Variants in ZNF8 observed in about 807,000 individuals in gnomAD.
The protein encoded by ZNF8 is zinc finger protein 272.
ZNF8 carries 9 observed loss-of-function variants against 12.2 expected under a neutral mutation model. That is an observed-to-expected ratio of 0.73 (90% confidence interval 0.44 to 1.28). ZNF8 has a LOEUF of 1.28. Ranked by LOEUF, ZNF8 falls within the 50% of genes most tolerant of loss-of-function variation. ZNF8 has a pLI of 0.00. For missense variants in ZNF8, 664 were observed against 729.1 expected, an observed-to-expected ratio of 0.91 and a Z score of 1.03; for synonymous variants, 274 against 282.3, an observed-to-expected ratio of 0.97 and a Z score of 0.30.
In ZNF8 at chr19:58,301,305, T is replaced by TA. The variant is rs2051490465; in HGVS notation, c.*5770dup. The TA allele has an allele frequency of 6.6e-6, 1 of 152,218 alleles. No homozygotes were observed. Among genetic ancestry groups the TA allele is most frequent in the South Asian group, 2.1e-4 (1 of 4,828 alleles). The allele number at this position is 152,218 out of a possible 1,614,324, so 9.4% of individuals were successfully genotyped here. A position where few individuals can be genotyped will look rare whatever the true frequency, so the allele number is the denominator to read the frequency against. On this transcript the variant is annotated 3_prime_UTR_variant, in exon 4 of 4. Coordinates refer to ENST00000621650, the MANE Select transcript of ZNF8 (RefSeq NM_021089.3). Reference sequence around the variant, plus strand: ...TCTCCCCTTCCCCACTCCATGGAGTTAGAGGTCCTGTTGATTTTGCCATGT... The same window carrying TA: ...TCTCCCCTTCCCCACTCCATGGAGTTAAGAGGTCCTGTTGATTTTGCCATGT...
chr19:58,294,352 T>C lies in ZNF8; in HGVS notation c.544T>C (p.Cys182Arg), dbSNP rs753987154. Residue 182 changes from cysteine (C) to arginine (R), a missense_variant, in exon 4 of 4, where the codon TGC (cysteine) becomes CGC (arginine). Physicochemically the swap from Cys to Arg is radical, Grantham distance 180. This residue lies in a region of ZNF8 where 306 missense variants were observed against 308.7 expected (regional missense o/e 0.99). Transcript: ENST00000621650. This position sits in a 1 kb window ranked among gnomAD's most constrained non-coding sequence, Gnocchi z 5.5. Reference protein sequence around the residue: ...GYKTLRLRENCVLSSSPNPFP... With the variant: ...GYKTLRLRENRVLSSSPNPFP... Reference sequence around the variant, plus strand: ...CAAAACTCTCAGACTCAGGGAAAACTGCGTCCTGAGTTCAAGCCCAAATCC... The same window carrying C: ...CAAAACTCTCAGACTCAGGGAAAACCGCGTCCTGAGTTCAAGCCCAAATCC... The C allele has an allele frequency of 5.0e-6, 8 of 1,614,034 alleles. No homozygotes were observed. The East Asian group carries it at 8.9e-5, about 18-fold the overall frequency.
intron 1 of ZNF8, among the ~76,000 whole-genome samples, chr19:58,282,163 G>GTTTTA (rs1358288857): frequency 6.6e-6 from 1 of 152,070 alleles, no homozygotes; most frequent in Non-Finnish European, 1.5e-5. Context: ...GTTTTGTTTT[G>GTTTTA]TTTTTTAACC....
Position 58,294,747 on chromosome 19 carries a change from C to A in ZNF8, c.939C>A (p.Tyr313Ter). The change falls in exon 4 of 4, where the codon TAC becomes TAA. Residue 313 changes from tyrosine (Y) to a stop codon, truncating the protein, a stop_gained. Coordinates refer to ENST00000621650, the MANE Select transcript of ZNF8 (RefSeq NM_021089.3). LOFTEE classifies it low-confidence loss of function (END_TRUNC). The surrounding 1 kb of genome is among the most constrained non-coding windows in gnomAD (Gnocchi z 5.5). Reference protein sequence around the residue: ...HERIHTGDKPYKCAECGKSFC... With the variant: ...HERIHTGDKP ...GCATCCACACTGGAGACAAGCCCTA[C>A]AAGTGTGCCGAATGTGGGAAGTCTT... 1 of 1,614,170 alleles carries A rather than the reference C, an allele frequency of 6.2e-7. No homozygotes were observed.
chr19:58,287,100 C>T (rs999604309), intron 3 of ZNF8, among the ~76,000 whole-genome samples: 1 of 152,120 alleles, frequency 6.6e-6, no homozygotes, highest in Non-Finnish European at 1.5e-5. Flanking sequence ...AGTGCAGTGG[C>T]GTAATCACGG....
chr19:58,291,073 T>G, intron 3 of ZNF8, among the ~76,000 whole-genome samples: 1 of 152,136 alleles, frequency 6.6e-6, no homozygotes. Context: ...TCCAGGCAGA[T>G]CCCACTCCCA....
chr19:58,290,393 C>T (rs907563227), intron 3 of ZNF8, among the ~76,000 whole-genome samples: 7 of 152,038 alleles, frequency 4.6e-5, no homozygotes, highest in South Asian at 4.2e-4. Flanking sequence ...GGATTACAGA[C>T]GTGAGCCACC....
chr19:58,286,277 A>C, intron 3 of ZNF8, 72 bp downstream of exon 3: 2 of 1,403,508 alleles, frequency 1.4e-6, no homozygotes, highest in Non-Finnish European at 1.0e-6. Context: ...CTTCATGGAA[A>C]GGGTGGTGGT....
intron 1 of ZNF8, among the ~76,000 whole-genome samples, chr19:58,281,167 G>GT (rs1045083819): frequency 6.6e-6 from 1 of 152,168 alleles, no homozygotes; most frequent in Non-Finnish European, 1.5e-5. Flanking sequence ...CCATTCACGT[G>GT]TTTTAAGCAG....
intron 3 of ZNF8, among the ~76,000 whole-genome samples, chr19:58,288,023 CTTTTT>C (rs11285289): frequency 6.6e-5 from 9 of 135,888 alleles, no homozygotes; most frequent in African/African-American, 2.2e-4. Flanking sequence ...TTTGTGTGTC[CTTTTT>C]TTTTTTTTTT....
chr19:58,284,613 C>A (rs1187161173), intron 1 of ZNF8, among the ~76,000 whole-genome samples: 1 of 152,152 alleles, frequency 6.6e-6, no homozygotes, highest in Non-Finnish European at 1.5e-5. Context: ...CTTTGGGAGG[C>A]CGAGGCGGGT....
Position 58,286,125 on chromosome 19 carries a change from A to G in ZNF8, c.209A>G (p.Lys70Arg). 6.2e-7 allele frequency: 1 copy of G among 1,614,072 alleles called. No individual in the cohort carries two copies. Among genetic ancestry groups the G allele is most frequent in the Admixed American group, 1.7e-5 (1 of 60,012 alleles). The change falls in exon 3 of 4, where the codon AAG becomes AGG. Residue 70 changes from lysine to arginine, a missense_variant. Lys to Arg is a conservative substitution (Grantham distance 26). Transcript: ENST00000621650. ...CCATTTCCAGGTCCTGAGCTTCCGAAGCCTGAAGTCATCTCCCAGCTGGAG... is the reference window on the plus strand; with the variant it reads ...CCATTTCCAGGTCCTGAGCTTCCGAGGCCTGAAGTCATCTCCCAGCTGGAG... ...HLLSIGPELP[K>R]PEVISQLEQG...
Position 58,299,430 on chromosome 19 carries a change from T to A in ZNF8, c.*3894T>A, listed in dbSNP as rs1225614299. On this transcript the variant is annotated 3_prime_UTR_variant, in exon 4 of 4. Transcript: ENST00000621650. ...CCTGGCCCCAAAACAGCAATTTGAA[T>A]AACCATGTTGGAATGGTTGAGCATT... The A allele has an allele frequency of 6.8e-6, 1 of 146,834 alleles. No homozygotes were observed. Among genetic ancestry groups the A allele is most frequent in the Non-Finnish European group, 1.5e-5 (1 of 66,410 alleles). 9.1% of individuals were successfully genotyped at this position (146,834 alleles called of 1,614,324 possible).
chr19:58,279,411 G>T, intron 1 of ZNF8: 1 of 1,444,716 alleles, frequency 6.9e-7, no homozygotes, highest in Non-Finnish European at 9.1e-7. Flanking sequence ...TCATTCCCGA[G>T]AGAATCGAGC....
intron 3 of ZNF8, among the ~76,000 whole-genome samples, chr19:58,288,021 TCC>T (rs1487693307): frequency 9.9e-5 from 4 of 40,532 alleles, no homozygotes; most frequent in Admixed American, 4.2e-4. Context: ...TGTTTGTGTG[TCC>T]TTTTTTTTTT....
intron 3 of ZNF8, among the ~76,000 whole-genome samples, chr19:58,290,230 C>T (rs917574738): frequency 6.8e-6 from 1 of 148,050 alleles, no homozygotes; most frequent in African/African-American, 2.5e-5. Context: ...TCTGCCTTAG[C>T]CTCCCGAGTA....
intron 3 of ZNF8, among the ~76,000 whole-genome samples, chr19:58,290,215 G>A (rs925126263): frequency 1.5e-5 from 2 of 136,196 alleles, no homozygotes; most frequent in Non-Finnish European, 3.1e-5. Flanking sequence ...CCGGGTTCAC[G>A]CCATTCTGCC....
Position 58,297,864 on chromosome 19 carries a change from C to G in ZNF8, c.*2328C>G, listed in dbSNP as rs1487876818. 6.6e-6 allele frequency: 1 copy of G among 152,182 alleles called. No individual in the cohort carries two copies. Among genetic ancestry groups the G allele is most frequent in the Non-Finnish European group, 1.5e-5 (1 of 68,034 alleles). 9.4% of individuals were successfully genotyped at this position (152,182 alleles called of 1,614,324 possible). ...ACAATCATACTAAGCTGTCATTTCA[C>G]ATTTTTGCTGTGCACTGATAGTGTG... On this transcript the variant is annotated 3_prime_UTR_variant, in exon 4 of 4. Coordinates refer to ENST00000621650, the MANE Select transcript of ZNF8 (RefSeq NM_021089.3).
rs989594691 is a variant in ZNF8, at chr19:58,300,605, G to A, written c.*5069G>A. 2 of 152,118 alleles carry A rather than the reference G, an allele frequency of 1.3e-5. No individual in the cohort carries two copies. The highest frequency in any genetic ancestry group is 6.5e-5 in the Admixed American group (1 of 15,276). 9.4% of individuals were successfully genotyped at this position (152,118 alleles called of 1,614,324 possible). ...GAGAGAAAAGTCCTGGGAAGTGGAT[G>A]ATGGAGGCAGCTAGCCGTAGCTGCT... On this transcript the variant is annotated 3_prime_UTR_variant, in exon 4 of 4. Transcript: ENST00000621650.
At chr19:58,285,692 A>G in intron 1 of ZNF8, 25 bp from the exon 2 acceptor site, 1 of 1,614,066 alleles carries the variant, frequency 6.2e-7, no homozygotes, top group Non-Finnish European at 8.5e-7. Context: ...AGTCCAGCTG[A>G]TTGAGAATGT....
Sources: gnomAD v4.1 joint callset for allele counts (sites outside exome capture counted in the v4.1 genomes callset) on GRCh38, gnomAD v4.1.1 for gene constraint, gnomAD v4.1.1 regional missense constraint, Gnocchi (gnomAD v3.1) non-coding constraint, MANE v1.5 for transcripts, NCBI Gene and HGNC (gene_info 2026-07-23, HGNC 2026-07-21) for gene names.